Variants in CCDC60 observed in about 807,000 individuals in gnomAD.
The protein encoded by CCDC60 is coiled-coil domain containing 60, also known as coiled-coil domain-containing protein 60.
Under a neutral mutation model 63.5 loss-of-function variants are expected in CCDC60, and 54 were observed. That is an observed-to-expected ratio of 0.85 (90% CI 0.68 to 1.07). CCDC60 has a LOEUF of 1.07. Ranked by LOEUF, CCDC60 falls within the 50% of genes least tolerant of loss-of-function variation. CCDC60 has a pLI of 0.00. For missense variants in CCDC60, 651 were observed against 684.3 expected (o/e 0.95, Z 0.54); for synonymous variants, 206 against 238.8 (o/e 0.86, Z 1.27).
At chr12:119,490,325 C>T (rs1210183135) in intron 5 of CCDC60, among the ~76,000 whole-genome samples, 3 of 152,102 alleles carry the variant, frequency 2.0e-5, no homozygotes, top group Non-Finnish European at 4.4e-5. Flanking sequence ...GGTTGACAGA[C>T]TTTATTTTTT....
At chr12:119,377,621 G>A (rs1247132786) in intron 1 of CCDC60, among the ~76,000 whole-genome samples, 2 of 152,156 alleles carry the variant, frequency 1.3e-5, no homozygotes, top group Non-Finnish European at 2.9e-5. Flanking sequence ...TTACAAAACA[G>A]TTATTAACTA....
intron 2 of CCDC60, among the ~76,000 whole-genome samples, chr12:119,468,846 A>G (rs1322711698): frequency 1.3e-5 from 2 of 151,968 alleles, no homozygotes; most frequent in Non-Finnish European, 2.9e-5. Context: ...GGCTGAGGCA[A>G]GAGGATCACT....
At chr12:119,502,030 CT>C (rs923025720) in intron 6 of CCDC60, among the ~76,000 whole-genome samples, 6 of 152,302 alleles carry the variant, frequency 3.9e-5, no homozygotes, top group African/African-American at 1.4e-4. Flanking sequence ...TTCTTTTCCC[CT>C]GATACTCTTC....
intron 2 of CCDC60, among the ~76,000 whole-genome samples, chr12:119,440,771 G>C (rs1357201118): frequency 6.6e-6 from 1 of 152,122 alleles, no homozygotes; most frequent in Non-Finnish European, 1.5e-5. Context: ...CCAATCCCAA[G>C]GGCAGCTCTG....
intron 1 of CCDC60, among the ~76,000 whole-genome samples, chr12:119,370,638 C>G (rs1485956775): frequency 6.6e-6 from 1 of 152,198 alleles, no homozygotes; most frequent in Non-Finnish European, 1.5e-5. Context: ...CACCAACAAC[C>G]TAGGCCTTGA....
intron 1 of CCDC60, among the ~76,000 whole-genome samples, chr12:119,367,568 G>C (rs1342586910): frequency 6.6e-6 from 1 of 152,162 alleles, no homozygotes; most frequent in Non-Finnish European, 1.5e-5. Flanking sequence ...GCCCTTAGCT[G>C]TGACCTTGGG....
At chr12:119,421,426 A>C (rs1426448038) in intron 1 of CCDC60, among the ~76,000 whole-genome samples, 3 of 152,234 alleles carry the variant, frequency 2.0e-5, no homozygotes, top group Non-Finnish European at 4.4e-5. Context: ...AGAATGGAGT[A>C]GTGAATAAGA....
chr12:119,491,704 A>G (rs1942644310), intron 5 of CCDC60, among the ~76,000 whole-genome samples: 1 of 150,430 alleles, frequency 6.6e-6, no homozygotes, highest in Non-Finnish European at 1.5e-5. Flanking sequence ...ACTAGGTAAA[A>G]GCAATATCTT....
intron 1 of CCDC60, among the ~76,000 whole-genome samples, chr12:119,343,461 T>A (rs1423299019): frequency 6.6e-6 from 1 of 151,974 alleles, no homozygotes; most frequent in Non-Finnish European, 1.5e-5. Flanking sequence ...AGACTATCCC[T>A]CATTGCAGCC....
intron 1 of CCDC60, among the ~76,000 whole-genome samples, chr12:119,359,957 T>C (rs1955758310): frequency 6.6e-6 from 1 of 152,046 alleles, no homozygotes; most frequent in Non-Finnish European, 1.5e-5. Flanking sequence ...ACGGCAACCA[T>C]CCCATTTCTC....
At chr12:119,489,587 C>G (rs939852622) in intron 5 of CCDC60, among the ~76,000 whole-genome samples, 2 of 152,206 alleles carry the variant, frequency 1.3e-5, no homozygotes, top group Non-Finnish European at 2.9e-5. Context: ...AAAGAACAGA[C>G]AGGCATGTAA....
At position 119,430,463 on chromosome 12, in the gene CCDC60, G is replaced by C. The variant is rs549028261; in HGVS notation, c.170+1701G>C. Among the ~76,000 whole-genome samples the C allele has an allele frequency of 1.7e-3, 262 of 151,964 alleles. 1 individual carries two copies. The highest frequency in any genetic ancestry group is 2.5e-3 in the Non-Finnish European group (170 of 68,006). On this transcript the variant is annotated intron_variant, in intron 2 of 13. Transcript: ENST00000327554. Reference sequence around the variant, plus strand: ...AGGCGGATCACAAGGTCAGGAAATCGAGACCATCCTGGCTAACATGGTACA... The same window carrying C: ...AGGCGGATCACAAGGTCAGGAAATCCAGACCATCCTGGCTAACATGGTACA...
At position 119,472,022 on chromosome 12, in the gene CCDC60, C is replaced by T. The variant is rs140912702; in HGVS notation, c.199C>T (p.Arg67Cys). The T allele has an allele frequency of 4.6e-5, 74 of 1,613,656 alleles. No homozygotes were observed. Among genetic ancestry groups the T allele is most frequent in the African/African-American group, 3.9e-4 (29 of 74,804 alleles). Residue 67 changes from arginine to cysteine, a missense_variant, in exon 3 of 14, where the codon CGT (arginine) becomes TGT (cysteine). Arg to Cys is a radical substitution (Grantham distance 180). Transcript: ENST00000327554. ...TTTGATCCAGTCTGTGAAGATAGGC[C>T]GTGGATATTTTGCTATTCTGAGGGA... ...RFLIQSVKIG[R>C]GYFAILREET...
chr12:119,431,983 G>T (rs1245503439), intron 2 of CCDC60, among the ~76,000 whole-genome samples: 3 of 152,124 alleles, frequency 2.0e-5, no homozygotes, highest in Non-Finnish European at 4.4e-5. Context: ...CCGGCCCTTT[G>T]TTTTTAAACC....
chr12:119,521,582 G>T (rs1429704055), intron 9 of CCDC60, among the ~76,000 whole-genome samples: 1 of 152,166 alleles, frequency 6.6e-6, no homozygotes, highest in Non-Finnish European at 1.5e-5. Context: ...CCTGCGGCAG[G>T]AGGAAGCTTA....
chr12:119,386,294 T>C (rs1956060661), intron 1 of CCDC60, among the ~76,000 whole-genome samples: 1 of 152,126 alleles, frequency 6.6e-6, no homozygotes. Flanking sequence ...TTAGACCCTA[T>C]TGGAAAAATT....
In CCDC60 at chr12:119,502,084, T is replaced by A. The variant is rs185050779; in HGVS notation, c.648+1916T>A. ...TTCATAGGGGCCAGGCAAATTGTGT[T>A]ATTAATAAAAGAAAAGATCAGGCTG... On this transcript the variant is annotated intron_variant, in intron 6 of 13. Transcript: ENST00000327554. 4.0e-3 allele frequency among the ~76,000 whole-genome samples: 609 copies of A among 152,238 alleles called. 5 individuals are homozygous for A. The highest frequency in any genetic ancestry group is 0.013 in the African/African-American group (538 of 41,526).
intron 2 of CCDC60, among the ~76,000 whole-genome samples, chr12:119,463,178 A>G (rs1950890833): frequency 6.6e-6 from 1 of 152,154 alleles, no homozygotes; most frequent in Admixed American, 6.5e-5. Context: ...TCAGGATCCA[A>G]CAGGTCACTC....
rs188965721 is a variant in CCDC60, at chr12:119,470,232, C to T, written c.171-1762C>T. ...AATACTACCTCCTCCAGAAAGCCTT[C>T]CAAGATTTCTCTAGGTTCCTATAGC... is the stretch of plus-strand genomic sequence containing the variant. On this transcript the variant is annotated intron_variant, in intron 2 of 13. Transcript: ENST00000327554. Among the ~76,000 whole-genome samples, 457 of 152,350 alleles carry T rather than the reference C, an allele frequency of 3.0e-3. 3 individuals carry two copies. Among genetic ancestry groups the T allele is most frequent in the African/African-American group, 0.01 (434 of 41,588 alleles).
Sources: allele counts gnomAD v4.1 joint callset (sites outside exome capture counted in the v4.1 genomes callset), GRCh38; gene constraint gnomAD v4.1.1; transcripts MANE v1.5; gene names NCBI Gene and HGNC (gene_info 2026-07-23, HGNC 2026-07-21).